Variants in CREB5 observed in about 807,000 individuals in gnomAD.
The protein encoded by CREB5 is cyclic AMP-responsive element-binding protein 5.
CREB5 carries 19 observed loss-of-function variants against 57.1 expected under a neutral mutation model. That is an observed-to-expected ratio of 0.33 (90% CI 0.23 to 0.49). The LOEUF is 0.49. Ranked by LOEUF, CREB5 falls within the 20% of genes least tolerant of loss-of-function variation. The pLI is 0.99. For synonymous variants in CREB5, 238 were observed against 238.3 expected, an observed-to-expected ratio of 1.00 and a Z score of 0.01; for missense variants, 579 against 671.6, an observed-to-expected ratio of 0.86 and a Z score of 1.52.
intron 5 of CREB5, among the ~76,000 whole-genome samples, chr7:28,670,616 A>G (rs1295472676): frequency 2.0e-5 from 3 of 152,196 alleles, no homozygotes; most frequent in African/African-American, 7.2e-5. Flanking sequence ...GCATAAGGGG[A>G]TATGTAGCTT....
chr7:28,705,703 G>A (rs1006434003), intron 5 of CREB5, among the ~76,000 whole-genome samples: 1 of 152,194 alleles, frequency 6.6e-6, no homozygotes, highest in Non-Finnish European at 1.5e-5. Flanking sequence ...TTTGCAAGTA[G>A]GAATAGGACT....
At chr7:28,374,334 G>A (rs1216455315) in intron 1 of CREB5, among the ~76,000 whole-genome samples, 2 of 152,166 alleles carry the variant, frequency 1.3e-5, no homozygotes, top group Non-Finnish European at 2.9e-5. Context: ...TACATTTACA[G>A]TATGACCTAG....
chr7:28,660,313 G>C (rs1799551183), intron 5 of CREB5, among the ~76,000 whole-genome samples: 2 of 149,758 alleles, frequency 1.3e-5, no homozygotes, highest in South Asian at 4.2e-4. Context: ...GTCCTCAAAA[G>C]AACTGAGGGA....
intron 1 of CREB5, among the ~76,000 whole-genome samples, chr7:28,324,307 T>C (rs1785542237): frequency 6.6e-6 from 1 of 152,144 alleles, no homozygotes; most frequent in African/African-American, 2.4e-5. Context: ...AAGCACTATC[T>C]TCACTCCCTC....
intron 5 of CREB5, among the ~76,000 whole-genome samples, chr7:28,588,915 T>C (rs934039543): frequency 3.9e-5 from 6 of 152,216 alleles, no homozygotes; most frequent in Admixed American, 2.0e-4. Flanking sequence ...AACATTATTA[T>C]TGGCCAGTGC....
chr7:28,571,178 G>A (rs189229467), intron 5 of CREB5, among the ~76,000 whole-genome samples: 4 of 152,140 alleles, frequency 2.6e-5, no homozygotes, highest in African/African-American at 9.7e-5. Flanking sequence ...GGGACAGCAT[G>A]AAGTTTCATC....
chr7:28,324,744 T>A (rs1432788258), intron 1 of CREB5, among the ~76,000 whole-genome samples: 1 of 152,230 alleles, frequency 6.6e-6, no homozygotes, highest in Admixed American at 6.5e-5. Flanking sequence ...ATTTTCTATA[T>A]CCAATTGTCA....
chr7:28,630,726 A>G (rs1798169892), intron 5 of CREB5, among the ~76,000 whole-genome samples: 1 of 152,212 alleles, frequency 6.6e-6, no homozygotes, highest in Non-Finnish European at 1.5e-5. Context: ...TAGTGTGGCT[A>G]AGAGTCTCAG....
chr7:28,698,487 C>A (rs558238527), intron 5 of CREB5, among the ~76,000 whole-genome samples: 2 of 152,220 alleles, frequency 1.3e-5, no homozygotes, highest in Non-Finnish European at 2.9e-5. Flanking sequence ...TCCAATTATA[C>A]CATTTTCTAA....
rs531852902 is a variant in CREB5, at chr7:28,741,991, G to A, written c.702+17659G>A. On this transcript the variant is annotated intron_variant, in intron 7 of 10. Transcript: ENST00000357727. ...GGAGGCAGAAGAATTGCTTGAACCC[G>A]GGAGGCGGAGGTTGCAGTGAGCAGA... Among the ~76,000 whole-genome samples the A allele has an allele frequency of 1.7e-4, 25 of 150,614 alleles. No individual in the cohort carries two copies. The East Asian group carries it at 2.6e-3, about 15-fold the overall frequency.
At chr7:28,373,321 CTGTT>C (rs1347136659) in intron 1 of CREB5, among the ~76,000 whole-genome samples, 6 of 152,052 alleles carry the variant, frequency 3.9e-5, no homozygotes, top group South Asian at 4.1e-4. Context: ...TTAGAAATTG[CTGTT>C]TGTTTGGTTT....
At chr7:28,744,052 CATGTG>C (rs1362481284) in intron 7 of CREB5, among the ~76,000 whole-genome samples, 1 of 112,446 alleles carries the variant, frequency 8.9e-6, no homozygotes, top group Non-Finnish European at 1.8e-5. Flanking sequence ...TTCCTGTGTC[CATGTG>C]ATCTCATTGT....
At chr7:28,749,636 A>T (rs1369077297) in intron 7 of CREB5, 2 of 152,362 alleles carry the variant, frequency 1.3e-5, no homozygotes, top group South Asian at 2.1e-4. Flanking sequence ...TTATTAAAAC[A>T]AAAGGCTATA....
chr7:28,317,612 T>C (rs1785407833), intron 1 of CREB5, among the ~76,000 whole-genome samples: 2 of 152,246 alleles, frequency 1.3e-5, no homozygotes, highest in Admixed American at 1.3e-4. Context: ...AATTATGTAA[T>C]TTGGGGCATA....
At chr7:28,658,953 G>GTGTATATATATATATA (rs1400561698) in intron 5 of CREB5, among the ~76,000 whole-genome samples, 8 of 99,576 alleles carry the variant, frequency 8.0e-5, no homozygotes, top group African/African-American at 2.6e-4. Context: ...GTGTGTGTGT[G>GTGTATATATATATATA]TATATATATA....
At chr7:28,729,384 C>T (rs551477630) in intron 7 of CREB5, among the ~76,000 whole-genome samples, 1 of 152,342 alleles carries the variant, frequency 6.6e-6, no homozygotes, top group African/African-American at 2.4e-5. Context: ...GTTTCCTCCG[C>T]ACAGCCTGGC....
intron 5 of CREB5, among the ~76,000 whole-genome samples, chr7:28,651,143 C>G (rs1799113962): frequency 6.6e-6 from 1 of 151,880 alleles, no homozygotes; most frequent in South Asian, 2.1e-4. Flanking sequence ...GGCAAATTAA[C>G]CTGTAAAACC....
intron 5 of CREB5, among the ~76,000 whole-genome samples, chr7:28,648,247 C>A (rs1433841531): frequency 1.3e-5 from 2 of 151,954 alleles, no homozygotes; most frequent in African/African-American, 4.8e-5. Flanking sequence ...TGAAAAAGGA[C>A]CACTGATTAG....
intron 4 of CREB5, among the ~76,000 whole-genome samples, chr7:28,543,426 A>C (rs1270763281): frequency 6.6e-6 from 1 of 152,160 alleles, no homozygotes; most frequent in African/African-American, 2.4e-5. Context: ...TTTTTGATTT[A>C]TGCAAATGAG....
Sources: allele counts gnomAD v4.1 joint callset (sites outside exome capture counted in the v4.1 genomes callset), GRCh38; gene constraint gnomAD v4.1.1; transcripts MANE v1.5; gene names NCBI Gene and HGNC (gene_info 2026-07-23, HGNC 2026-07-21).